The following FBXO32 variants were observed in gnomAD, a reference collection of about 807,000 sequenced individuals.
The protein encoded by FBXO32 is F-box protein 32.
FBXO32 carries 15 observed loss-of-function variants against 48.3 expected under a neutral mutation model. The ratio of observed to expected loss-of-function variants is 0.31; its 90% CI spans 0.21 to 0.48. The LOEUF (loss-of-function observed/expected upper bound fraction) is 0.48, where lower values mean the gene tolerates loss of function less well. Ranked by LOEUF, FBXO32 falls within the 20% of genes least tolerant of loss-of-function variation. The pLI, the probability that FBXO32 is intolerant of heterozygous loss-of-function variation, is 0.99. For missense variants in FBXO32, 309 were observed against 432.7 expected, an observed-to-expected ratio of 0.71 and a Z score of 2.54; for synonymous variants, 154 against 165.9, an observed-to-expected ratio of 0.93 and a Z score of 0.55.
rs1206084835 is a variant in FBXO32 at position 123,540,813 on chromosome 8, C to T, written c.116+86G>A. On this transcript the variant is annotated intron_variant, in intron 1 of 8. Transcript: ENST00000517956. The surrounding 1 kb of genome is among the most constrained non-coding windows in gnomAD (Gnocchi z 6.4). ...CCTCCTCAGCCCGCTCCAGCCCTGC[C>T]TGCCCCTCATTCGCCGTCCCTGCGC... is the stretch of plus-strand genomic sequence containing the variant. 1.7e-6 allele frequency: 2 copies of T among 1,155,100 alleles called. No individual in the cohort carries two copies. Among genetic ancestry groups the T allele is most frequent in the East Asian group, 2.7e-5 (1 of 37,410 alleles). The allele number at this position is 1,155,100 out of a possible 1,614,324, so 71.6% of individuals were successfully genotyped here. A position where few individuals can be genotyped will look rare whatever the true frequency, so the allele number is the denominator to read the frequency against.
chr8:123,540,896 C>A lies in FBXO32; in HGVS notation c.116+3G>T. On this transcript the variant is annotated splice_donor_region_variant and intron_variant, in intron 1 of 8. Coordinates refer to ENST00000517956, the MANE Select transcript of FBXO32 (RefSeq NM_058229.4). The surrounding 1 kb of genome is among the most constrained non-coding windows in gnomAD (Gnocchi z 6.4). ...GCTGGAAGTTGGTAGCGGGTCCCCT[C>A]ACCTGCTGAGGTCGCTCACGAAACT... 3 of 1,612,316 alleles carry A rather than the reference C, an allele frequency of 1.9e-6. No homozygotes were observed. Among genetic ancestry groups the A allele is most frequent in the Non-Finnish European group, 2.5e-6 (3 of 1,178,802 alleles).
chr8:123,509,196 C>G (rs529065969), intron 6 of FBXO32, among the ~76,000 whole-genome samples: 1 of 152,128 alleles, frequency 6.6e-6, no homozygotes, highest in Admixed American at 6.5e-5. Flanking sequence ...TGCAGGAAAA[C>G]AAAATTTTAT....
chr8:123,506,697 G>C lies in FBXO32; in HGVS notation c.652-123C>G, dbSNP rs889924397. 5.3e-6 allele frequency: 4 copies of C among 758,174 alleles called. No individual in the cohort carries two copies. Among genetic ancestry groups the C allele is most frequent in the Non-Finnish European group, 8.6e-6 (4 of 464,876 alleles). 47.0% of individuals were successfully genotyped at this position (758,174 alleles called of 1,614,324 possible). A position where few individuals can be genotyped will look rare whatever the true frequency, so the allele number is the denominator to read the frequency against. ...CAAGGCAGTTTATTGATAAGAGGTC[G>C]AAAGCAGTAGTAAATCTCCCCATCC... On this transcript the variant is annotated intron_variant, in intron 6 of 8. Transcript: ENST00000517956. The surrounding 1 kb of genome is among the most constrained non-coding windows in gnomAD (Gnocchi z 4.0).
In FBXO32 at chr8:123,540,829, G is replaced by T; in HGVS notation, c.116+70C>A. On this transcript the variant is annotated intron_variant, in intron 1 of 8. Coordinates refer to ENST00000517956, the MANE Select transcript of FBXO32 (RefSeq NM_058229.4). The surrounding 1 kb of genome is among the most constrained non-coding windows in gnomAD (Gnocchi z 6.4). ...CAGCCCTGCCTGCCCCTCATTCGCCGTCCCTGCGCCCCCCAGACCAGCCCG... is the reference window on the plus strand; with the variant it reads ...CAGCCCTGCCTGCCCCTCATTCGCCTTCCCTGCGCCCCCCAGACCAGCCCG... 2.3e-6 allele frequency: 3 copies of T among 1,331,010 alleles called. No individual in the cohort carries two copies. The highest frequency in any genetic ancestry group is 2.1e-6 in the Non-Finnish European group (2 of 946,844). 82.4% of individuals were successfully genotyped at this position (1,331,010 alleles called of 1,614,324 possible).
chr8:123,532,127 G>C (rs982062424), intron 3 of FBXO32, 137 bp from the exon 4 acceptor site: 2 of 1,451,446 alleles, frequency 1.4e-6, no homozygotes, highest in Non-Finnish European at 1.8e-6. Context: ...TGGGGCACTG[G>C]CTTCTTTCCT....
At position 123,526,889 on chromosome 8, in the gene FBXO32, G is replaced by C. The variant is rs114669401; in HGVS notation, c.372+5009C>G. ...TTTTTTTTCTGTAGAAATCCAGATAGTAAATACTCTAGGCTTGCAGGCTAC... is the reference window on the plus strand; with the variant it reads ...TTTTTTTTCTGTAGAAATCCAGATACTAAATACTCTAGGCTTGCAGGCTAC... On this transcript the variant is annotated intron_variant, in intron 4 of 8. Transcript: ENST00000517956. The C allele has an allele frequency of 1.1e-3, 174 of 152,026 alleles. 1 individual carries two copies. The highest frequency in any genetic ancestry group is 4.1e-3 in the African/African-American group (168 of 41,444). The allele number at this position is 152,026 out of a possible 1,614,324, so 9.4% of individuals were successfully genotyped here.
At chr8:123,512,708 A>T (rs1351645933) in intron 6 of FBXO32, among the ~76,000 whole-genome samples, 2 of 152,066 alleles carry the variant, frequency 1.3e-5, no homozygotes, top group Non-Finnish European at 2.9e-5. Context: ...ATTTTCCCAC[A>T]TGTAAGTTCA....
At chr8:123,522,204 A>C (rs1401836289) in intron 4 of FBXO32, among the ~76,000 whole-genome samples, 3 of 130,968 alleles carry the variant, frequency 2.3e-5, no homozygotes, top group Admixed American at 1.6e-4. Flanking sequence ...CATCCTGGTT[A>C]CTTTTTTTTT....
chr8:123,520,386 G>C (rs1444085991), intron 4 of FBXO32, among the ~76,000 whole-genome samples: 1 of 152,082 alleles, frequency 6.6e-6, no homozygotes, highest in Non-Finnish European at 1.5e-5. Context: ...ATTATCGTGT[G>C]GGCACTCTGG....
Position 123,541,041 on chromosome 8 carries a change from G to A in FBXO32, c.-27C>T, listed in dbSNP as rs374235258. 59 of 1,514,684 alleles carry A rather than the reference G, an allele frequency of 3.9e-5. No individual in the cohort carries two copies. Among genetic ancestry groups the A allele is most frequent in the Non-Finnish European group, 5.1e-5 (56 of 1,108,866 alleles). 93.8% of individuals were successfully genotyped at this position (1,514,684 alleles called of 1,614,324 possible). A position where few individuals can be genotyped will look rare whatever the true frequency, so the allele number is the denominator to read the frequency against. On this transcript the variant is annotated 5_prime_UTR_variant, in exon 1 of 9. Transcript: ENST00000517956. ...GCACCGCGAGCGGACTAGACGGATG[G>A]GGAGACGGGGCCGGCCTGGTGGGCT...
chr8:123,510,698 G>T (rs1242955171), intron 6 of FBXO32, among the ~76,000 whole-genome samples: 2 of 152,154 alleles, frequency 1.3e-5, no homozygotes, highest in African/African-American at 2.4e-5. Context: ...AACACTGAAC[G>T]AGTACTCAGG....
At chr8:123,518,265 C>T (rs1423565412) in intron 4 of FBXO32, among the ~76,000 whole-genome samples, 1 of 152,164 alleles carries the variant, frequency 6.6e-6, no homozygotes, top group Non-Finnish European at 1.5e-5. Flanking sequence ...TCACATAGCA[C>T]TCATAACTGT....
rs1454511761 is a variant in FBXO32 at position 123,511,533 on chromosome 8, A to T, written c.651+1665T>A. Among the ~76,000 whole-genome samples, 5 of 148,812 alleles carry T rather than the reference A, an allele frequency of 3.4e-5. No homozygotes were observed. The East Asian group carries it at 9.9e-4, about 29-fold the overall frequency. On this transcript the variant is annotated intron_variant, in intron 6 of 8. Coordinates refer to ENST00000517956, the MANE Select transcript of FBXO32 (RefSeq NM_058229.4). ...TCTCAGTCTGTCACCCAGGCTGGTG[A>T]GCAGTGATCTTGGCTTACTGCAACC...
intron 8 of FBXO32, 26 bp from the exon 9 acceptor site, chr8:123,503,488 C>G: frequency 6.2e-7 from 1 of 1,601,690 alleles, no homozygotes; most frequent in Non-Finnish European, 8.5e-7. Flanking sequence ...TGGTTAGCTT[C>G]AAGTTCTCAG....
chr8:123,517,445 T>G (rs1215166427), intron 4 of FBXO32, among the ~76,000 whole-genome samples: 3 of 151,550 alleles, frequency 2.0e-5, no homozygotes, highest in African/African-American at 7.3e-5. Context: ...CATTCTGTGC[T>G]TCATCCTATC....
At position 123,501,883 on chromosome 8, in the gene FBXO32, T is replaced by C. The variant is rs944758576; in HGVS notation, c.*1490A>G. 1 of 152,140 alleles carries C rather than the reference T, an allele frequency of 6.6e-6. No homozygotes were observed. Among genetic ancestry groups the C allele is most frequent in the Admixed American group, 6.5e-5 (1 of 15,278 alleles). The allele number at this position is 152,140 out of a possible 1,614,324, so 9.4% of individuals were successfully genotyped here. ...TACAACTGCAAATATATGTACATTG[T>C]TGTAGGAAAGCAACAATATTCTGTA... On this transcript the variant is annotated 3_prime_UTR_variant, in exon 9 of 9. Transcript: ENST00000517956.
At position 123,525,254 on chromosome 8, in the gene FBXO32, A is replaced by G. The variant is rs184497400; in HGVS notation, c.372+6644T>C. Among the ~76,000 whole-genome samples, 4 of 152,366 alleles carry G rather than the reference A, an allele frequency of 2.6e-5. No homozygotes were observed. The highest frequency in any genetic ancestry group is 7.2e-5 in the African/African-American group (3 of 41,584). On this transcript the variant is annotated intron_variant, in intron 4 of 8. Coordinates refer to ENST00000517956, the MANE Select transcript of FBXO32 (RefSeq NM_058229.4). The surrounding 1 kb of genome is among the most constrained non-coding windows in gnomAD (Gnocchi z 4.3). ...TAGGGTGGTAACGCAGAAAAAAATA[A>G]GAATGTGCATCAGTTTAGGTTGTGA...
rs1176295999 is a variant in FBXO32 at position 123,540,257 on chromosome 8, G to GC, written c.116+641dup. On this transcript the variant is annotated intron_variant, in intron 1 of 8. Coordinates refer to ENST00000517956, the MANE Select transcript of FBXO32 (RefSeq NM_058229.4). This position sits in a 1 kb window ranked among gnomAD's most constrained non-coding sequence, Gnocchi z 6.4. ...AGAGCTCTTGTGGGATTCATCCCCT[G>GC]CCCCCTTCCCTCCTTTGCACCTCTG... 1.3e-5 allele frequency among the ~76,000 whole-genome samples: 2 copies of GC among 152,112 alleles called. No individual in the cohort carries two copies. The highest frequency in any genetic ancestry group is 4.8e-5 in the African/African-American group (2 of 41,422).
At position 123,513,452 on chromosome 8, in the gene FBXO32, GTC is replaced by G. The variant is rs985278456; in HGVS notation, c.467-72_467-71del. On this transcript the variant is annotated intron_variant, in intron 5 of 8. Coordinates refer to ENST00000517956, the MANE Select transcript of FBXO32 (RefSeq NM_058229.4). The surrounding 1 kb of genome is among the most constrained non-coding windows in gnomAD (Gnocchi z 4.3). ...CACCCTGTATTTTACACATGAGCTT[GTC>G]TCTGTCTGTATTCCACTCATGTTAC... 4.4e-5 allele frequency: 57 copies of G among 1,298,154 alleles called. No individual in the cohort carries two copies. Among genetic ancestry groups the G allele is most frequent in the Non-Finnish European group, 5.9e-5 (55 of 929,460 alleles). 80.4% of individuals were successfully genotyped at this position (1,298,154 alleles called of 1,614,324 possible).
Sources: gnomAD v4.1 joint callset for allele counts (sites outside exome capture counted in the v4.1 genomes callset) on GRCh38, gnomAD v4.1.1 for gene constraint, Gnocchi (gnomAD v3.1) non-coding constraint, MANE v1.5 for transcripts, NCBI Gene and HGNC (gene_info 2026-07-23, HGNC 2026-07-21) for gene names.